ADAMTSL1: variants seen among roughly 807,000 people sequenced by gnomAD.
ADAMTSL1 encodes the protein ADAMTS like 1.
Under a neutral mutation model 201.8 loss-of-function variants are expected in ADAMTSL1, and 126 were observed. The ratio of observed to expected loss-of-function variants is 0.62; its 90% confidence interval spans 0.54 to 0.72. The LOEUF (loss-of-function observed/expected upper bound fraction) is 0.72. Ranked by LOEUF, ADAMTSL1 falls within the 30% of genes least tolerant of loss-of-function variation. The pLI, the probability that ADAMTSL1 is intolerant of heterozygous loss-of-function variation, is 0.00. For missense variants in ADAMTSL1, 2,679 were observed against 2,277.8 expected (o/e 1.18, Z -3.59); for synonymous variants, 1,121 against 903.4 (o/e 1.24, Z -4.32).
At chr9:18,542,998 C>T (rs926406885) in intron 3 of ADAMTSL1, among the ~76,000 whole-genome samples, 12 of 152,242 alleles carry the variant, frequency 7.9e-5, no homozygotes, top group Admixed American at 4.6e-4. Context: ...TTCCTTTGGA[C>T]GAACTCTAGA....
chr9:18,638,004 G>T (rs1422653847), intron 6 of ADAMTSL1, among the ~76,000 whole-genome samples: 5 of 152,084 alleles, frequency 3.3e-5, no homozygotes. Flanking sequence ...AATGAAGGCT[G>T]GAGGAAGGAG....
At chr9:18,240,595 TCTC>T (rs1186095376) in intron 2 of ADAMTSL1, among the ~76,000 whole-genome samples, 7 of 152,184 alleles carry the variant, frequency 4.6e-5, no homozygotes, top group Admixed American at 4.6e-4. Context: ...AGAACTGACT[TCTC>T]CTATCTGCTA....
chr9:18,353,822 A>C (rs1586951669), intron 2 of ADAMTSL1, among the ~76,000 whole-genome samples: 1 of 152,116 alleles, frequency 6.6e-6, no homozygotes, highest in East Asian at 1.9e-4. Context: ...TTTTCCTCCA[A>C]AATGAAAATA....
chr9:18,433,298 G>A (rs1324490690), intron 2 of ADAMTSL1, among the ~76,000 whole-genome samples: 1 of 151,950 alleles, frequency 6.6e-6, no homozygotes, highest in Non-Finnish European at 1.5e-5. Context: ...AACCAAAATG[G>A]TATCAATGTG....
chr9:18,341,833 GC>G (rs1563898763), intron 2 of ADAMTSL1, among the ~76,000 whole-genome samples: 1 of 152,036 alleles, frequency 6.6e-6, no homozygotes, highest in Non-Finnish European at 1.5e-5. Flanking sequence ...TATGCCAGAG[GC>G]AGGTAATGGG....
At chr9:18,298,006 T>C (rs567568422) in intron 2 of ADAMTSL1, among the ~76,000 whole-genome samples, 2 of 152,282 alleles carry the variant, frequency 1.3e-5, no homozygotes, top group African/African-American at 2.4e-5. Flanking sequence ...TAAAGTAGCA[T>C]CATAAAAACA....
intron 1 of ADAMTSL1, among the ~76,000 whole-genome samples, chr9:18,479,309 A>G (rs1821610458): frequency 1.3e-5 from 2 of 152,240 alleles, no homozygotes; most frequent in Admixed American, 1.3e-4. Flanking sequence ...TGCAGCCAAC[A>G]GTGACCTCAG....
chr9:18,790,158 G>GT (rs1233615457), intron 19 of ADAMTSL1, among the ~76,000 whole-genome samples: 1 of 152,152 alleles, frequency 6.6e-6, no homozygotes, highest in Non-Finnish European at 1.5e-5. Context: ...TTGGAAAACA[G>GT]TAAGAATGAG....
intron 23 of ADAMTSL1, among the ~76,000 whole-genome samples, chr9:18,878,236 C>T (rs928002239): frequency 2.0e-5 from 3 of 152,114 alleles, no homozygotes; most frequent in Non-Finnish European, 4.4e-5. Flanking sequence ...AGGTTTCACA[C>T]CTCCCCACCT....
intron 2 of ADAMTSL1, among the ~76,000 whole-genome samples, chr9:18,458,611 A>G (rs1820696231): frequency 6.6e-6 from 1 of 152,156 alleles, no homozygotes; most frequent in Admixed American, 6.6e-5. Context: ...TTATTTCACT[A>G]GATTTTCAGA....
At chr9:18,096,560 G>A (rs758423910) in intron 1 of ADAMTSL1, among the ~76,000 whole-genome samples, 4 of 152,288 alleles carry the variant, frequency 2.6e-5, no homozygotes, top group Non-Finnish European at 4.4e-5. Flanking sequence ...TTTTGGTTAC[G>A]TGAAGCATGT....
intron 1 of ADAMTSL1, among the ~76,000 whole-genome samples, chr9:18,101,076 G>T (rs1288113717): frequency 1.3e-5 from 2 of 152,018 alleles, no homozygotes; most frequent in Admixed American, 1.3e-4. Context: ...TTCTCTTTCT[G>T]TCATCTGTGT....
chr9:18,398,981 T>A (rs73643267), intron 2 of ADAMTSL1, among the ~76,000 whole-genome samples: 1 of 151,922 alleles, frequency 6.6e-6, no homozygotes, highest in African/African-American at 2.4e-5. Flanking sequence ...AATCTTAAGA[T>A]AGTATGTTGA....
chr9:18,222,341 G>A (rs1034978921), intron 2 of ADAMTSL1, among the ~76,000 whole-genome samples: 2 of 151,200 alleles, frequency 1.3e-5, no homozygotes, highest in African/African-American at 2.4e-5. Context: ...CTTTTTTGTT[G>A]CTACCTTTGG....
chr9:18,527,892 C>G (rs1587466231), intron 2 of ADAMTSL1, among the ~76,000 whole-genome samples: 1 of 152,028 alleles, frequency 6.6e-6, no homozygotes, highest in East Asian at 1.9e-4. Context: ...CACCCGCCCC[C>G]CTCAAGATGG....
chr9:18,256,975 C>G (rs1831713119), intron 2 of ADAMTSL1, among the ~76,000 whole-genome samples: 1 of 152,196 alleles, frequency 6.6e-6, no homozygotes, highest in Non-Finnish European at 1.5e-5. Context: ...ACCCCTGCCT[C>G]AAGCTTACAC....
intron 2 of ADAMTSL1, among the ~76,000 whole-genome samples, chr9:18,167,022 G>A (rs987995692): frequency 6.6e-6 from 1 of 151,930 alleles, no homozygotes; most frequent in African/African-American, 2.4e-5. Context: ...ATTTAAGTGA[G>A]CCATTTGTCT....
Position 18,609,877 on chromosome 9 carries a change from T to C in ADAMTSL1, c.475-12366T>C, listed in dbSNP as rs1825270442. 4.6e-5 allele frequency among the ~76,000 whole-genome samples: 7 copies of C among 152,182 alleles called. No homozygotes were observed. The South Asian group carries it at 1.4e-3, about 32-fold the overall frequency. On this transcript the variant is annotated intron_variant, in intron 4 of 28. Transcript: ENST00000380548. ...TTATATAAGCTATCACCTCAAATCC[T>C]TAGAACAAGTATATAAAATAGGTTG...
chr9:18,658,133 C>T (rs1418875661), intron 8 of ADAMTSL1, among the ~76,000 whole-genome samples: 3 of 152,182 alleles, frequency 2.0e-5, no homozygotes, highest in East Asian at 3.9e-4. Flanking sequence ...CGCCACCACG[C>T]CCGGCTAATT....
Sources: gnomAD v4.1 joint callset for allele counts (sites outside exome capture counted in the v4.1 genomes callset) on GRCh38, gnomAD v4.1.1 for gene constraint, MANE v1.5 for transcripts, NCBI Gene and HGNC (gene_info 2026-07-23, HGNC 2026-07-21) for gene names.